Variants in WBP1 observed in about 807,000 individuals in gnomAD.
WBP1 encodes WW domain binding protein 1.
A neutral mutation model predicts 25.6 loss-of-function variants in WBP1; 18 were observed. That is an observed-to-expected ratio of 0.70 (90% CI 0.49 to 1.04). WBP1 has a LOEUF of 1.04. Among genes scored for constraint, WBP1 ranks in the 50% least tolerant of loss-of-function variants. WBP1 has a pLI of 0.00. For synonymous variants in WBP1, 122 were observed against 137.7 expected (o/e 0.89, Z 0.80); for missense variants, 330 against 352.9 (o/e 0.94, Z 0.52).
At position 74,458,549 on chromosome 2, in the gene WBP1, G is replaced by C. The variant is rs939973782; in HGVS notation, c.-54G>C. ...CGGTGGCAGCAGAGGTGGCAGGGGC[G>C]GGGCGGCTGGCGGTAGAGGAGGCTG... On this transcript the variant is annotated 5_prime_UTR_variant, in exon 1 of 4. Coordinates refer to ENST00000233615, the MANE Select transcript of WBP1 (RefSeq NM_012477.4). The C allele has an allele frequency of 6.6e-7, 1 of 1,525,298 alleles. No homozygotes were observed. 94.5% of individuals were successfully genotyped at this position (1,525,298 alleles called of 1,614,324 possible). A position where few individuals can be genotyped will look rare whatever the true frequency, so the allele number is the denominator to read the frequency against.
At chr2:74,459,278 T>TCA in intron 1 of WBP1, 1 of 963,290 alleles carries the variant, frequency 1.0e-6, no homozygotes, top group Non-Finnish European at 1.5e-6. Context: ...TATCTCAGAC[T>TCA]GTCTTCTGGC....
intron 1 of WBP1, chr2:74,459,139 A>G (rs1671808136): frequency 1.3e-6 from 2 of 1,534,936 alleles, no homozygotes; most frequent in East Asian, 2.5e-5. Flanking sequence ...CCCCTCCTCT[A>G]TCCTAGGGAG....
In WBP1 at chr2:74,460,798, G is replaced by C; in HGVS notation, c.*117G>C. 1 of 933,924 alleles carries C rather than the reference G, an allele frequency of 1.1e-6. No individual in the cohort carries two copies. Among genetic ancestry groups the C allele is most frequent in the Non-Finnish European group, 1.6e-6 (1 of 628,008 alleles). 57.9% of individuals were successfully genotyped at this position (933,924 alleles called of 1,614,324 possible). On this transcript the variant is annotated 3_prime_UTR_variant, in exon 4 of 4. Transcript: ENST00000233615. ...AGAATCTGCCTGAAAGGGCTGGAGA[G>C]GGGCAGTATTGGGGGACTGTGCTAG...
chr2:74,460,150 T>A, intron 3 of WBP1, 71 bp from the exon 4 acceptor site: 1 of 1,509,464 alleles, frequency 6.6e-7, no homozygotes. Context: ...AAAGTATTTT[T>A]CCCTAATATA....
chr2:74,458,798 C>G (rs556036441), intron 1 of WBP1, 127 bp downstream of exon 1: 3 of 1,523,098 alleles, frequency 2.0e-6, no homozygotes, highest in African/African-American at 2.8e-5. Context: ...CTAAACATGT[C>G]TCTTCCACTC....
At position 74,458,595 on chromosome 2, in the gene WBP1, G is replaced by A; in HGVS notation, c.-8G>A. 1 of 1,555,138 alleles carries A rather than the reference G, an allele frequency of 6.4e-7. No homozygotes were observed. The highest frequency in any genetic ancestry group is 8.7e-7 in the Non-Finnish European group (1 of 1,148,260). On this transcript the variant is annotated 5_prime_UTR_variant, in exon 1 of 4. In the 5' UTR this introduces an upstream ATG that the reference lacks. Coordinates refer to ENST00000233615, the MANE Select transcript of WBP1 (RefSeq NM_012477.4). ...GGCTGTGGTCCTCAGGGGGCTGTAG[G>A]TGGAGGTATGGCTCGGGCCAGCAGC...
At chr2:74,459,053 T>G in intron 1 of WBP1, 1 of 1,550,300 alleles carries the variant, frequency 6.5e-7, no homozygotes, top group Non-Finnish European at 8.7e-7. Context: ...GAACCCAGAC[T>G]CGCGCCCTGG....
chr2:74,459,583 G>T, intron 1 of WBP1, 60 bp from the exon 2 acceptor site: 1 of 1,509,218 alleles, frequency 6.6e-7, no homozygotes, highest in Non-Finnish European at 9.2e-7. Context: ...GCAGGAGGTG[G>T]GGGTGGACAG....
chr2:74,460,159 T>C (rs1413699380), intron 3 of WBP1, 62 bp from the exon 4 acceptor site: 1 of 1,570,836 alleles, frequency 6.4e-7, no homozygotes, highest in South Asian at 1.2e-5. Context: ...TTCCCTAATA[T>C]AAAAACTAGC....
chr2:74,459,184 G>T (rs971869826), intron 1 of WBP1: 9 of 1,507,576 alleles, frequency 6.0e-6, no homozygotes, highest in African/African-American at 4.2e-5. Context: ...CCAGTTGCGG[G>T]TGGGGGGTAG....
rs768295951 is a variant in WBP1, at chr2:74,460,236, TCAAGCCCC to T, written c.368_375del (p.Lys123SerfsTer29). ...TCCCCTGCAGGCTTCCTCAGCACCT[TCAAGCCCC>T]CAGCCTACGAGGATGTGGTTCACCG... On this transcript the variant is annotated frameshift_variant, in exon 4 of 4. Transcript: ENST00000233615. LOFTEE classifies it high-confidence loss of function. The T allele has an allele frequency of 6.2e-7, 1 of 1,611,132 alleles. No homozygotes were observed. The highest frequency in any genetic ancestry group is 8.5e-7 in the Non-Finnish European group (1 of 1,177,842).
chr2:74,458,474 C>T lies in WBP1; in HGVS notation c.-129C>T. Reference sequence around the variant, plus strand: ...AGTTCTGCCCGGATGGAAGCTCCGGCCGCGGAGTGATGGTGGCCTCAGCGA... The same window carrying T: ...AGTTCTGCCCGGATGGAAGCTCCGGTCGCGGAGTGATGGTGGCCTCAGCGA... On this transcript the variant is annotated 5_prime_UTR_variant, in exon 1 of 4. Coordinates refer to ENST00000233615, the MANE Select transcript of WBP1 (RefSeq NM_012477.4). 1 of 1,459,264 alleles carries T rather than the reference C, an allele frequency of 6.9e-7. No homozygotes were observed. Among genetic ancestry groups the T allele is most frequent in the South Asian group, 1.4e-5 (1 of 71,344 alleles). The allele number at this position is 1,459,264 out of a possible 1,614,324, so 90.4% of individuals were successfully genotyped here. A position where few individuals can be genotyped will look rare whatever the true frequency, so the allele number is the denominator to read the frequency against.
At chr2:74,459,805 A>C in intron 2 of WBP1, 60 bp downstream of exon 2, 1 of 1,613,452 alleles carries the variant, frequency 6.2e-7, no homozygotes, top group South Asian at 1.1e-5. Context: ...GGACCTCAGA[A>C]TTTCGGCCTT....
Position 74,459,638 on chromosome 2 carries a change from C to T in WBP1, c.70-5C>T, listed in dbSNP as rs191675891. On this transcript the variant is annotated splice_polypyrimidine_tract_variant and splice_region_variant and intron_variant, in intron 1 of 3. Transcript: ENST00000233615. ...CCTTAGTTCTAAGTGCCTCCTTGCC[C>T]GCAGCTTCGAGAGCTGTGCCCAGGA... is the stretch of plus-strand genomic sequence containing the variant. The T allele has an allele frequency of 9.3e-6, 15 of 1,613,764 alleles. No homozygotes were observed. The highest frequency in any genetic ancestry group is 1.2e-5 in the Non-Finnish European group (14 of 1,179,890).
chr2:74,459,157 C>G, intron 1 of WBP1: 2 of 1,526,594 alleles, frequency 1.3e-6, no homozygotes, highest in Admixed American at 2.0e-5. Context: ...GAGCCTGAGG[C>G]CCAGGGGTGG....
intron 1 of WBP1, chr2:74,459,414 C>A: frequency 1.6e-6 from 1 of 628,100 alleles, no homozygotes; most frequent in Non-Finnish European, 2.9e-6. Context: ...CTTTGTATGT[C>A]CACACTTTTG....
At position 74,460,589 on chromosome 2, in the gene WBP1, C is replaced by A; in HGVS notation, c.718C>A (p.Leu240Met). The A allele has an allele frequency of 1.2e-6, 2 of 1,613,456 alleles. No individual in the cohort carries two copies. The highest frequency in any genetic ancestry group is 1.7e-6 in the Non-Finnish European group (2 of 1,179,714). Residue 240 changes from leucine (L) to methionine (M), a missense_variant, in exon 4 of 4, where the codon CTG becomes ATG. Leu to Met is a conservative substitution (Grantham distance 15). Coordinates refer to ENST00000233615, the MANE Select transcript of WBP1 (RefSeq NM_012477.4). ...EVRVSATLPD[L>M]EDYSPCALPP... ...GAGGGTTAGTGCCACCCTGCCAGAT[C>A]TGGAGGACTACTCCCCGTGTGCACT...
intron 2 of WBP1, 49 bp downstream of exon 2, chr2:74,459,794 T>G (rs762971913): frequency 6.2e-7 from 1 of 1,613,546 alleles, no homozygotes; most frequent in East Asian, 2.2e-5. Flanking sequence ...CACCCTCCCT[T>G]GGACCTCAGA....
intron 1 of WBP1, 129 bp from the exon 2 acceptor site, chr2:74,459,514 C>T: frequency 2.4e-6 from 2 of 819,702 alleles, no homozygotes; most frequent in South Asian, 3.3e-5. Flanking sequence ...CAGCATCCTC[C>T]ACTTCCCCCA....
Sources: gnomAD v4.1 joint callset for allele counts on GRCh38, gnomAD v4.1.1 for gene constraint, MANE v1.5 for transcripts, NCBI Gene and HGNC (gene_info 2026-07-23, HGNC 2026-07-21) for gene names.